Variants in KMT2C observed in about 807,000 individuals in gnomAD.
The protein encoded by KMT2C is histone-lysine N-methyltransferase 2C.
Under a neutral mutation model 507.9 loss-of-function variants are expected in KMT2C, and 88 were observed. The ratio of observed to expected loss-of-function variants is 0.17; its 90% CI spans 0.15 to 0.21. The LOEUF (loss-of-function observed/expected upper bound fraction) is 0.21, where lower values mean the gene tolerates loss of function less well. KMT2C is among the 10% of genes least tolerant of loss of function. The pLI, the probability that KMT2C is intolerant of heterozygous loss-of-function variation, is 1.00. For missense variants in KMT2C, 4,954 were observed against 5,957.8 expected (o/e 0.83, Z 5.55); for synonymous variants, 2,049 against 2,080.8 (o/e 0.98, Z 0.42).
chr7:152,313,349 CTAAT>C (rs1563825689), intron 4 of KMT2C, among the ~76,000 whole-genome samples: 2 of 151,950 alleles, frequency 1.3e-5, no homozygotes, highest in African/African-American at 2.4e-5. Flanking sequence ...AAGAGAATGA[CTAAT>C]TTATTACTAA....
rs1395435374 is a variant in KMT2C at position 152,176,739 on chromosome 7, A to G, written c.8714T>C (p.Val2905Ala). The G allele has an allele frequency of 6.2e-7, 1 of 1,614,072 alleles. No individual in the cohort carries two copies. Among genetic ancestry groups the G allele is most frequent in the Non-Finnish European group, 8.5e-7 (1 of 1,180,034 alleles). The change falls in exon 38 of 59, where the codon GTA (valine) becomes GCA (alanine). Residue 2905 changes from valine (V) to alanine (A), a missense_variant. Coordinates refer to ENST00000262189, the MANE Select transcript of KMT2C (RefSeq NM_170606.3). ...QASTQLPAQD[V>A]INSCGITGST... Reference sequence around the variant, plus strand: ...TCCAGTTATGCCACAAGAGTTTATTACATCTTGAGCAGGTAGTTGAGTGGA... The same window carrying G: ...TCCAGTTATGCCACAAGAGTTTATTGCATCTTGAGCAGGTAGTTGAGTGGA...
chr7:152,330,153 A>AGGGGG (rs1159945663), intron 3 of KMT2C, among the ~76,000 whole-genome samples: 2 of 6,858 alleles, frequency 2.9e-4, no homozygotes, highest in Admixed American at 9.9e-4. Flanking sequence ...AAAAAAAGGG[A>AGGGGG]GGGGGGGAGG....
intron 9 of KMT2C, among the ~76,000 whole-genome samples, chr7:152,255,869 A>G (rs2095652495): frequency 6.6e-6 from 1 of 152,160 alleles, no homozygotes; most frequent in Admixed American, 6.6e-5. Context: ...ATTTAAATGT[A>G]AAAAATAAAA....
At position 152,226,099 on chromosome 7, in the gene KMT2C, C is replaced by A. The variant is rs1385287127; in HGVS notation, c.2977-1483G>T. On this transcript the variant is annotated intron_variant, in intron 18 of 58. Coordinates refer to ENST00000262189, the MANE Select transcript of KMT2C (RefSeq NM_170606.3). ...AATCTAGCATTGATAAAGCAGTAAA[C>A]CAGTTGATTATTTAGAGCTATAGCA... Among the ~76,000 whole-genome samples, 17 of 151,524 alleles carry A rather than the reference C, an allele frequency of 1.1e-4. 1 individual carries two copies. Among genetic ancestry groups the A allele is most frequent in the Admixed American group, 1.1e-3 (16 of 15,200 alleles).
At chr7:152,164,931 A>G (rs905710397) in intron 42 of KMT2C, among the ~76,000 whole-genome samples, 2 of 152,228 alleles carry the variant, frequency 1.3e-5, no homozygotes, top group African/African-American at 4.8e-5. Flanking sequence ...GGATGTGTAT[A>G]TCTCTCAACA....
chr7:152,348,162 G>T (rs140558876), intron 2 of KMT2C, among the ~76,000 whole-genome samples: 3 of 152,096 alleles, frequency 2.0e-5, no homozygotes, highest in Admixed American at 6.6e-5. Flanking sequence ...ATCTGAATAC[G>T]TCTATACCTA....
chr7:152,249,776 A>G (rs945025558), intron 13 of KMT2C, 100 bp downstream of exon 13: 16 of 411,422 alleles, frequency 3.9e-5, no homozygotes, highest in African/African-American at 3.3e-4. Context: ...AGATTTAGTT[A>G]CCGTAATGTA....
At chr7:152,240,183 C>A (rs1348923056) in intron 14 of KMT2C, among the ~76,000 whole-genome samples, 1 of 152,234 alleles carries the variant, frequency 6.6e-6, no homozygotes, top group Non-Finnish European at 1.5e-5. Flanking sequence ...GAGCAGCAAC[C>A]ACTGCAGGTC....
intron 46 of KMT2C, 127 bp downstream of exon 46, chr7:152,155,783 T>C (rs2092003148): frequency 2.3e-6 from 2 of 882,622 alleles, no homozygotes; most frequent in African/African-American, 1.7e-5. Flanking sequence ...CTGAAGATTA[T>C]TCACCAAATT....
At chr7:152,290,254 A>ATGTG (rs1285878646) in intron 6 of KMT2C, among the ~76,000 whole-genome samples, 20 of 41,608 alleles carry the variant, frequency 4.8e-4, no homozygotes, top group African/African-American at 1.3e-3. Flanking sequence ...GTGTGTGTGT[A>ATGTG]TGTGTATATA....
intron 1 of KMT2C, among the ~76,000 whole-genome samples, chr7:152,433,852 CGTGT>C (rs555477150): frequency 6.8e-4 from 104 of 152,374 alleles, no homozygotes; most frequent in Middle Eastern, 6.8e-3. Flanking sequence ...TGTGCGCGTG[CGTGT>C]GAGTGTGCGC....
chr7:152,421,113 CAT>C (rs917375868), intron 1 of KMT2C, among the ~76,000 whole-genome samples: 4 of 151,744 alleles, frequency 2.6e-5, no homozygotes, highest in African/African-American at 9.7e-5. Context: ...CAAAAGAAGA[CAT>C]ATGTGGCCAA....
intron 6 of KMT2C, among the ~76,000 whole-genome samples, chr7:152,297,772 A>G (rs1488226637): frequency 1.3e-5 from 2 of 152,256 alleles, no homozygotes; most frequent in Non-Finnish European, 2.9e-5. Flanking sequence ...AACCCAAGGT[A>G]AATTTTACAA....
chr7:152,201,616 T>G (rs570637001), intron 26 of KMT2C, among the ~76,000 whole-genome samples: 1 of 10,690 alleles, frequency 9.4e-5, no homozygotes, highest in South Asian at 1.7e-3. Context: ...ACAACAAAGA[T>G]GAAAAAAAAA....
chr7:152,384,258 T>A (rs1352613758), intron 1 of KMT2C, among the ~76,000 whole-genome samples: 1 of 152,148 alleles, frequency 6.6e-6, no homozygotes, highest in Non-Finnish European at 1.5e-5. Flanking sequence ...CAGAGTTAAA[T>A]CAAAACTATT....
intron 6 of KMT2C, among the ~76,000 whole-genome samples, chr7:152,293,545 T>C (rs2129187732): frequency 6.6e-6 from 1 of 152,280 alleles, no homozygotes; most frequent in East Asian, 1.9e-4. Flanking sequence ...CTTCACAAGA[T>C]ATTTTATGCA....
At chr7:152,199,251 G>A (rs1306143466) in intron 27 of KMT2C, 28 bp downstream of exon 27, 1 of 1,538,850 alleles carries the variant, frequency 6.5e-7, no homozygotes, top group African/African-American at 1.4e-5. Flanking sequence ...ATGATATAAA[G>A]AAAATATCTG....
At chr7:152,158,150 C>T (rs1284459780) in intron 44 of KMT2C, among the ~76,000 whole-genome samples, 2 of 152,206 alleles carry the variant, frequency 1.3e-5, no homozygotes, top group Admixed American at 6.5e-5. Flanking sequence ...ACAAGAAAAA[C>T]ATATTTCTTA....
At position 152,317,302 on chromosome 7, in the gene KMT2C, G is replaced by T. The variant is rs377499761; in HGVS notation, c.390-1964C>A. ...GAAGTAAGGGAGGTCAAACACCTCA[G>T]AGTAATTTATTGTTGACTTTTTTTT... On this transcript the variant is annotated intron_variant, in intron 3 of 58. Coordinates refer to ENST00000262189, the MANE Select transcript of KMT2C (RefSeq NM_170606.3). 5.9e-5 allele frequency among the ~76,000 whole-genome samples: 9 copies of T among 152,262 alleles called. No homozygotes were observed. The East Asian group carries it at 7.7e-4, about 13-fold the overall frequency.
Sources: gnomAD v4.1 joint callset for allele counts (sites outside exome capture counted in the v4.1 genomes callset) on GRCh38, gnomAD v4.1.1 for gene constraint, MANE v1.5 for transcripts, NCBI Gene and HGNC (gene_info 2026-07-23, HGNC 2026-07-21) for gene names.